Variants in FAM193A observed in about 807,000 individuals in gnomAD.
FAM193A encodes protein FAM193A.
In FAM193A, 22 loss-of-function variants were observed where a neutral mutation model predicts 126.5. That is an observed-to-expected ratio of 0.17 (90% confidence interval 0.12 to 0.25). The LOEUF (loss-of-function observed/expected upper bound fraction) is 0.25. Ranked by LOEUF, FAM193A falls within the 10% of genes least tolerant of loss-of-function variation. FAM193A has a pLI of 1.00. For synonymous variants in FAM193A, 761 were observed against 646.8 expected (o/e 1.18, Z -2.68); for missense variants, 1,675 against 1,672.8 (o/e 1.00, Z -0.02).
In FAM193A at chr4:2,728,895, A is replaced by ATTTTTTTTTTTTTTTT. The variant is rs1491485597; in HGVS notation, c.4455-2880_4455-2879insTTTTTTTTTTTTTTTT. Among the ~76,000 whole-genome samples the ATTTTTTTTTTTTTTTT allele has an allele frequency of 2.8e-5, 3 of 105,710 alleles. 1 individual carries two copies. 69.3% of individuals were successfully genotyped at this position (105,710 alleles called of 152,430 possible). A position where few individuals can be genotyped will look rare whatever the true frequency, so the allele number is the denominator to read the frequency against. On this transcript the variant is annotated intron_variant, in intron 20 of 20. Coordinates refer to ENST00000637812, the MANE Select transcript of FAM193A (RefSeq NM_001366318.2). ...TAAGCAAATATGTTCCACCTCCAAA[A>ATTTTTTTTTTTTTTTT]CTTTTTTTTTTTTTTTTTTTTTTTT...
At chr4:2,690,996 TC>T in intron 15 of FAM193A, 26 bp downstream of exon 15, 1 of 1,591,580 alleles carries the variant, frequency 6.3e-7, no homozygotes, top group Non-Finnish European at 8.6e-7. Flanking sequence ...TCACTGGCCC[TC>T]GGGGTCTGCA....
chr4:2,663,385 A>G (rs1712718581), intron 12 of FAM193A, 97 bp downstream of exon 12: 7 of 1,011,380 alleles, frequency 6.9e-6, no homozygotes, highest in African/African-American at 1.6e-5. Context: ...TTTGTTTCCC[A>G]TAATTTCTGA....
intron 2 of FAM193A, among the ~76,000 whole-genome samples, chr4:2,600,830 G>C (rs1741154085): frequency 6.6e-6 from 1 of 152,218 alleles, no homozygotes; most frequent in South Asian, 2.1e-4. Flanking sequence ...ACCCATTCAT[G>C]AATGACCCGC....
intron 2 of FAM193A, among the ~76,000 whole-genome samples, chr4:2,605,838 G>A (rs1283054081): frequency 1.3e-5 from 2 of 151,420 alleles, no homozygotes; most frequent in Non-Finnish European, 2.9e-5. Flanking sequence ...CGTCATGGTG[G>A]CACATGCCTG....
chr4:2,669,961 C>T (rs1180132833), intron 12 of FAM193A, among the ~76,000 whole-genome samples: 1 of 152,208 alleles, frequency 6.6e-6, no homozygotes, highest in Non-Finnish European at 1.5e-5. Context: ...TCTTAAGGTT[C>T]ACTGAGCTTC....
intron 6 of FAM193A, 108 bp downstream of exon 6, chr4:2,639,967 A>T (rs1292595144): frequency 1.8e-6 from 2 of 1,092,028 alleles, no homozygotes; most frequent in Non-Finnish European, 2.5e-6. Context: ...TTCTTGCAGG[A>T]AAAATAACAG....
intron 2 of FAM193A, among the ~76,000 whole-genome samples, chr4:2,618,748 A>G (rs891373761): frequency 2.0e-5 from 3 of 152,034 alleles, no homozygotes; most frequent in South Asian, 4.1e-4. Context: ...GGCGTGTGCC[A>G]TCACACCTGG....
At chr4:2,720,379 C>T (rs192494557) in intron 20 of FAM193A, among the ~76,000 whole-genome samples, 18 of 152,182 alleles carry the variant, frequency 1.2e-4, no homozygotes, top group South Asian at 4.1e-4. Context: ...AAACAGAGCA[C>T]GGTGGCTCAC....
At position 2,590,503 on chromosome 4, in the gene FAM193A, A is replaced by AC; in HGVS notation, c.256-5581_256-5580insC. Among the ~76,000 whole-genome samples the AC allele has an allele frequency of 1.9e-5, 2 of 104,480 alleles. 1 individual carries two copies. Among genetic ancestry groups the AC allele is most frequent in the African/African-American group, 1.2e-4 (2 of 16,048 alleles). The allele number at this position is 104,480 out of a possible 152,430, so 68.5% of individuals were successfully genotyped here. A position where few individuals can be genotyped will look rare whatever the true frequency, so the allele number is the denominator to read the frequency against. On this transcript the variant is annotated intron_variant, in intron 1 of 20. Transcript: ENST00000637812. ...AAAAAAAACAAAAAAAAACAAAAAA[A>AC]AACAAAAAAAAAACAAAACAAAATT... is the stretch of plus-strand genomic sequence containing the variant.
At position 2,646,774 on chromosome 4, in the gene FAM193A, G is replaced by C; in HGVS notation, c.1253G>C (p.Arg418Thr). The C allele has an allele frequency of 6.2e-7, 1 of 1,614,136 alleles. No homozygotes were observed. Among genetic ancestry groups the C allele is most frequent in the Non-Finnish European group, 8.5e-7 (1 of 1,179,994 alleles). ...RYQRSEEELR[R>T]VAEEWLECQK... Reference sequence around the variant, plus strand: ...CAGCGTTCCGAGGAGGAGCTGCGCAGAGTCGCCGAGGAGTGGCTGGAGTGC... The same window carrying C: ...CAGCGTTCCGAGGAGGAGCTGCGCACAGTCGCCGAGGAGTGGCTGGAGTGC... The change falls in exon 7 of 21, where the codon AGA (arginine) becomes ACA (threonine). Residue 418 changes from arginine to threonine, a missense_variant. Arg to Thr is a moderately conservative substitution (Grantham distance 71). Transcript: ENST00000637812.
chr4:2,578,635 T>C (rs1177302185), intron 1 of FAM193A, among the ~76,000 whole-genome samples: 1 of 152,166 alleles, frequency 6.6e-6, no homozygotes, highest in African/African-American at 2.4e-5. Context: ...AATTCGCTTA[T>C]ACCTTTCAAC....
chr4:2,621,565 G>T (rs1475635077), intron 2 of FAM193A, among the ~76,000 whole-genome samples: 1 of 152,146 alleles, frequency 6.6e-6, no homozygotes, highest in East Asian at 1.9e-4. Context: ...TTTATGTAGG[G>T]AGCTCTGTGA....
At chr4:2,704,684 G>C (rs1047428480) in intron 19 of FAM193A, among the ~76,000 whole-genome samples, 1 of 152,218 alleles carries the variant, frequency 6.6e-6, no homozygotes, top group East Asian at 1.9e-4. Context: ...CTGAGTGCCT[G>C]TTTGGCCACA....
chr4:2,730,963 G>A (rs232725), intron 20 of FAM193A, among the ~76,000 whole-genome samples: 58,211 of 151,856 alleles, frequency 0.38, 11,461 homozygotes, highest in Middle Eastern at 0.48. Context: ...TTGGGAGGCC[G>A]AGGCAGGCGG....
At chr4:2,580,108 A>G (rs904917797) in intron 1 of FAM193A, among the ~76,000 whole-genome samples, 2 of 152,208 alleles carry the variant, frequency 1.3e-5, no homozygotes, top group African/African-American at 4.8e-5. Flanking sequence ...AGCCATAAAA[A>G]AGAATGGGAT....
rs1157539112 is a variant in FAM193A, at chr4:2,637,703, C to G, written c.1039-2032C>G. The stretch of plus-strand genomic sequence containing the variant: ...GAGGACACATCCTGCAGAGCCCACC[C>G]CTGCATGCCCCGGTCCAGTTATTTG... On this transcript the variant is annotated intron_variant, in intron 5 of 20. Transcript: ENST00000637812. Among the ~76,000 whole-genome samples, 3 of 152,304 alleles carry G rather than the reference C, an allele frequency of 2.0e-5. No individual in the cohort carries two copies. The East Asian group carries it at 5.8e-4, about 29-fold the overall frequency.
intron 20 of FAM193A, among the ~76,000 whole-genome samples, chr4:2,719,770 T>TCCTC (rs147495184): frequency 0.017 from 2,169 of 126,884 alleles, 63 homozygotes; most frequent in African/African-American, 0.069. Context: ...CCTCCTTCCT[T>TCCTC]CCTCCCTCCC....
chr4:2,702,427 C>T (rs1443184504), intron 19 of FAM193A, among the ~76,000 whole-genome samples: 7 of 152,218 alleles, frequency 4.6e-5, no homozygotes, highest in African/African-American at 1.7e-4. Context: ...CTCCAAGGAG[C>T]CCTCCTCTTT....
In FAM193A at chr4:2,699,776, G is replaced by A; in HGVS notation, c.3604G>A (p.Glu1202Lys). The A allele has an allele frequency of 6.2e-7, 1 of 1,613,936 alleles. No homozygotes were observed. The highest frequency in any genetic ancestry group is 8.5e-7 in the Non-Finnish European group (1 of 1,179,934). Residue 1202 changes from glutamate to lysine, a missense_variant, in exon 19 of 21, where the codon GAA (glutamate) becomes AAA (lysine). Glu to Lys is a moderately conservative substitution (Grantham distance 56). Coordinates refer to ENST00000637812, the MANE Select transcript of FAM193A (RefSeq NM_001366318.2). ...GCGGCGGGAGGAGGAGGAGGATGAGGAAGAAGAGGAGGATCGTTTCAAGGA... is the reference window on the plus strand; with the variant it reads ...GCGGCGGGAGGAGGAGGAGGATGAGAAAGAAGAGGAGGATCGTTTCAAGGA... ...QRRREEEEDE[E>K]EEEDRFKEEF...
Sources: allele counts gnomAD v4.1 joint callset (sites outside exome capture counted in the v4.1 genomes callset), GRCh38; gene constraint gnomAD v4.1.1; transcripts MANE v1.5; gene names NCBI Gene and HGNC (gene_info 2026-07-23, HGNC 2026-07-21).